Variants in UNKL observed in about 807,000 individuals in gnomAD.
UNKL encodes putative E3 ubiquitin-protein ligase UNKL.
In UNKL, 60 loss-of-function variants were observed where a neutral mutation model predicts 78.0. That is an observed-to-expected ratio of 0.77 (90% confidence interval 0.63 to 0.95). The LOEUF (loss-of-function observed/expected upper bound fraction) is 0.95. Among genes scored for constraint, UNKL ranks in the 40% least tolerant of loss-of-function variants. The probability of loss-of-function intolerance (pLI) is 0.00; values close to 1 mark genes in which losing one functional copy is unlikely to be tolerated. For missense variants in UNKL, 1,159 were observed against 1,045.7 expected (o/e 1.11, Z -1.49); for synonymous variants, 608 against 474.8 (o/e 1.28, Z -3.65).
chr16:1,389,979 C>T (rs1476496864), intron 9 of UNKL, among the ~76,000 whole-genome samples: 2 of 151,694 alleles, frequency 1.3e-5, no homozygotes, highest in Non-Finnish European at 2.9e-5. Flanking sequence ...AAAACTACCT[C>T]ATTCATTCAT....
chr16:1,369,915 C>A (rs192876858), intron 12 of UNKL: 3 of 1,535,550 alleles, frequency 2.0e-6, no homozygotes, highest in Admixed American at 3.9e-5. Flanking sequence ...GCGGAGGTTG[C>A]GGCGAGCCGA....
chr16:1,370,054 C>T (rs945325695), intron 12 of UNKL, 76 bp downstream of exon 12: 1 of 1,550,416 alleles, frequency 6.4e-7, no homozygotes, highest in African/African-American at 1.4e-5. Context: ...TGAGGCCCCT[C>T]AGTCAGGACG....
At position 1,399,596 on chromosome 16, in the gene UNKL, C is replaced by T. The variant is rs1377222697; in HGVS notation, c.599-87G>A. 6 of 1,527,164 alleles carry T rather than the reference C, an allele frequency of 3.9e-6. No homozygotes were observed. In the East Asian group the frequency reaches 1.5e-4, roughly 38 times the overall value. The allele number at this position is 1,527,164 out of a possible 1,614,324, so 94.6% of individuals were successfully genotyped here. A position where few individuals can be genotyped will look rare whatever the true frequency, so the allele number is the denominator to read the frequency against. On this transcript the variant is annotated intron_variant, in intron 4 of 14. Transcript: ENST00000389221. The surrounding 1 kb of genome is among the most constrained non-coding windows in gnomAD (Gnocchi z 5.8). ...ACCAAAGGTGGAAGGACCTGGCTGT[C>T]CCCCAAATGGAAGGGGCTGCAGGAG...
chr16:1,410,607 G>C (rs2037996513), intron 2 of UNKL, among the ~76,000 whole-genome samples: 1 of 152,182 alleles, frequency 6.6e-6, no homozygotes, highest in Non-Finnish European at 1.5e-5. Context: ...CTGCCAATCA[G>C]TGCCCTGTAT....
At chr16:1,395,771 G>T (rs1271741107) in intron 6 of UNKL, 1 of 456,504 alleles carries the variant, frequency 2.2e-6, no homozygotes, top group African/African-American at 2.0e-5. Flanking sequence ...CTGCGTGACT[G>T]AACACAGAAA....
chr16:1,374,994 C>T (rs2036107850), intron 10 of UNKL, among the ~76,000 whole-genome samples: 1 of 152,210 alleles, frequency 6.6e-6, no homozygotes, highest in Non-Finnish European at 1.5e-5. Context: ...TGCACCTCAC[C>T]CCTCTGCCCA....
intron 2 of UNKL, chr16:1,406,142 G>T: frequency 2.3e-6 from 1 of 437,794 alleles, no homozygotes; most frequent in Non-Finnish European, 4.7e-6. Context: ...ATAGGTGGGG[G>T]GCCCAGAGCA....
At chr16:1,385,426 G>A (rs1408493511) in intron 9 of UNKL, 41 bp from the exon 10 acceptor site, 21 of 1,291,088 alleles carry the variant, frequency 1.6e-5, no homozygotes, top group East Asian at 6.3e-5. Flanking sequence ...CACCCCCTGC[G>A]TGGAGGAGGC....
At position 1,414,031 on chromosome 16, in the gene UNKL, C is replaced by T. The variant is rs1006327472; in HGVS notation, c.102G>A (p.Glu34=). ...TGTGCTGTGAAAACAGGGGGCACTG[C>T]TCCGTCCTGAACTCCTTCAGGTACC... is the stretch of plus-strand genomic sequence containing the variant. ...HYRYLKEFRT[E]QCPLFSQHKC... The change falls in exon 2 of 15, where the codon GAG becomes GAA. Residue 34 remains glutamate, a synonymous_variant. Transcript: ENST00000389221. 4.3e-5 allele frequency: 67 copies of T among 1,550,484 alleles called. No homozygotes were observed. The highest frequency in any genetic ancestry group is 5.5e-5 in the Non-Finnish European group (63 of 1,146,946).
intron 2 of UNKL, among the ~76,000 whole-genome samples, chr16:1,410,567 A>G (rs1356131409): frequency 6.6e-6 from 1 of 152,210 alleles, no homozygotes; most frequent in Non-Finnish European, 1.5e-5. Flanking sequence ...AGATCACGCC[A>G]CTGCACTCCA....
At position 1,369,226 on chromosome 16, in the gene UNKL, C is replaced by T. The variant is rs1280294926; in HGVS notation, c.1585+904G>A. ...CTGGGATTACAGGCATGTGCCACCA[C>T]GCCCGCCTAATTTTTGTATTTTTAG... On this transcript the variant is annotated intron_variant, in intron 12 of 14. Transcript: ENST00000389221. Among the ~76,000 whole-genome samples the T allele has an allele frequency of 4.6e-5, 7 of 152,006 alleles. 1 individual carries two copies. In the South Asian group the frequency reaches 6.2e-4, roughly 14 times the overall value.
chr16:1,394,288 C>T (rs1184849984), intron 6 of UNKL, 73 bp from the exon 7 acceptor site: 2 of 1,498,514 alleles, frequency 1.3e-6, no homozygotes, highest in African/African-American at 2.8e-5. Flanking sequence ...CTGGCATCAT[C>T]CCAAGGGAGA....
intron 2 of UNKL, among the ~76,000 whole-genome samples, chr16:1,412,479 G>C (rs1322789627): frequency 2.0e-5 from 3 of 152,176 alleles, no homozygotes; most frequent in Non-Finnish European, 4.4e-5. Context: ...AGGCGTGGTG[G>C]CGGGTGCCTG....
intron 5 of UNKL, chr16:1,398,679 G>GCCGGCCCCCCC: frequency 2.9e-6 from 4 of 1,356,118 alleles, no homozygotes; most frequent in African/African-American, 1.5e-5. Context: ...TGTGGGGTCT[G>GCCGGCCCCCCC]CACCCCCCCA....
chr16:1,376,087 G>A (rs908473672), intron 10 of UNKL, among the ~76,000 whole-genome samples: 2 of 151,596 alleles, frequency 1.3e-5, no homozygotes, highest in Non-Finnish European at 2.9e-5. Context: ...TCCAGGGCTG[G>A]GGCGCTCCTC....
At position 1,366,181 on chromosome 16, in the gene UNKL, T is replaced by C; in HGVS notation, c.*59A>G. On this transcript the variant is annotated 3_prime_UTR_variant, in exon 15 of 15. Transcript: ENST00000389221. ...CCAGAAGCGAGTGACGACATGTCCGTGGTCAGGAGGAGCGCTGGAGCCAGG... is the reference window on the plus strand; with the variant it reads ...CCAGAAGCGAGTGACGACATGTCCGCGGTCAGGAGGAGCGCTGGAGCCAGG... 2.1e-6 allele frequency: 3 copies of C among 1,427,754 alleles called. No individual in the cohort carries two copies. Among genetic ancestry groups the C allele is most frequent in the East Asian group, 2.6e-5 (1 of 37,968 alleles). The allele number at this position is 1,427,754 out of a possible 1,614,324, so 88.4% of individuals were successfully genotyped here. A position where few individuals can be genotyped will look rare whatever the true frequency, so the allele number is the denominator to read the frequency against.
In UNKL at chr16:1,367,216, T is replaced by C; in HGVS notation, c.1922A>G (p.Glu641Gly). 6.2e-7 allele frequency: 1 copy of C among 1,603,366 alleles called. No individual in the cohort carries two copies. The highest frequency in any genetic ancestry group is 8.5e-7 in the Non-Finnish European group (1 of 1,177,570). ...AQVKQLQEEL[E>G]GLGVASTLPG... ...CAGTGTGGAGGCTACGCCCAGGCCCTCCAGCTCCTCCTGCAGCTGCTTCAC... is the reference window on the plus strand; with the variant it reads ...CAGTGTGGAGGCTACGCCCAGGCCCCCCAGCTCCTCCTGCAGCTGCTTCAC... The change falls in exon 14 of 15, where the codon GAG becomes GGG. Residue 641 changes from glutamate (E) to glycine (G), a missense_variant. By Grantham distance (98) the Glu-to-Gly change is moderately conservative. Coordinates refer to ENST00000389221, the MANE Select transcript of UNKL (RefSeq NM_001372107.1).
rs367967838 is a variant in UNKL, at chr16:1,383,583, G to T, written c.1264+1625C>A. ...TGGTCTGTGGCCTAAGTGGCCGCTGGGAAGAGTCTCTCTCTCCTCGGCCTC... is the reference window on the plus strand; with the variant it reads ...TGGTCTGTGGCCTAAGTGGCCGCTGTGAAGAGTCTCTCTCTCCTCGGCCTC... On this transcript the variant is annotated intron_variant, in intron 10 of 14. Transcript: ENST00000389221. 6 of 360,572 alleles carry T rather than the reference G, an allele frequency of 1.7e-5. No individual in the cohort carries two copies. The East Asian group carries it at 2.3e-4, about 14-fold the overall frequency. The allele number at this position is 360,572 out of a possible 1,614,324, so 22.3% of individuals were successfully genotyped here.
chr16:1,365,352 T>C lies in UNKL; in HGVS notation c.*888A>G, dbSNP rs1000802132. 2.0e-5 allele frequency: 3 copies of C among 152,208 alleles called. No individual in the cohort carries two copies. Among genetic ancestry groups the C allele is most frequent in the African/African-American group, 7.2e-5 (3 of 41,452 alleles). 9.4% of individuals were successfully genotyped at this position (152,208 alleles called of 1,614,324 possible). ...CGTCGGATCCCCTCTGCTGCGTTTT[T>C]TGTTAGTATCAAACTGTCTTTCAGA... On this transcript the variant is annotated 3_prime_UTR_variant, in exon 15 of 15. Coordinates refer to ENST00000389221, the MANE Select transcript of UNKL (RefSeq NM_001372107.1).
Sources: gnomAD v4.1 joint callset for allele counts (sites outside exome capture counted in the v4.1 genomes callset) on GRCh38, gnomAD v4.1.1 for gene constraint, Gnocchi (gnomAD v3.1) non-coding constraint, MANE v1.5 for transcripts, NCBI Gene and HGNC (gene_info 2026-07-23, HGNC 2026-07-21) for gene names.